LRCOL1: variants seen among roughly 807,000 people sequenced by gnomAD.
The protein encoded by LRCOL1 is leucine-rich colipase-like protein 1.
In LRCOL1, 21 loss-of-function variants were observed where a neutral mutation model predicts 21.6. The ratio of observed to expected loss-of-function variants is 0.97; its 90% CI spans 0.69 to 1.40. LRCOL1 has a LOEUF of 1.40. LRCOL1 is among the 40% of genes most tolerant of loss of function. The pLI is 0.00. For missense variants in LRCOL1, 198 were observed against 202.3 expected, an observed-to-expected ratio of 0.98 and a Z score of 0.13; for synonymous variants, 98 against 90.1, an observed-to-expected ratio of 1.09 and a Z score of -0.49.
intron 5 of LRCOL1, 128 bp from the exon 6 acceptor site, chr12:132,603,532 A>C: frequency 6.6e-7 from 1 of 1,517,014 alleles, no homozygotes; most frequent in Non-Finnish European, 8.8e-7. Flanking sequence ...GACAGCACCC[A>C]GAGGCCGACG....
intron 5 of LRCOL1, chr12:132,604,003 T>C (rs1172407890): frequency 1.5e-6 from 2 of 1,351,630 alleles, no homozygotes; most frequent in African/African-American, 1.5e-5. Flanking sequence ...CTCCGCAGGC[T>C]CTGACGGTCT....
At chr12:132,609,803 CT>C (rs144092092) in intron 1 of LRCOL1, among the ~76,000 whole-genome samples, 2,380 of 152,298 alleles carry the variant, frequency 0.016, 71 homozygotes, top group African/African-American at 0.053. Flanking sequence ...GCTGTTGCCC[CT>C]GGGATGGAAG....
chr12:132,610,156 C>T (rs1461300665), intron 1 of LRCOL1, among the ~76,000 whole-genome samples, 167 bp downstream of exon 1: 4 of 152,138 alleles, frequency 2.6e-5, no homozygotes, highest in Non-Finnish European at 5.9e-5. Flanking sequence ...GCACCCCGGC[C>T]GAGGGCAGAG....
At chr12:132,603,491 C>T (rs891118144) in intron 5 of LRCOL1, 87 bp from the exon 6 acceptor site, 7 of 1,534,970 alleles carry the variant, frequency 4.6e-6, no homozygotes, top group Non-Finnish European at 6.1e-6. Flanking sequence ...GGGGCCACAG[C>T]ATCTCCCGGC....
Position 132,606,350 on chromosome 12 carries a change from C to G in LRCOL1, c.-13-86G>C, listed in dbSNP as rs1365416099. ...TGGTGCTGGCCTCCCCACTCCCTTC[C>G]CATCCCTTCCCGATCCTTTCTCTTG... On this transcript the variant is annotated intron_variant, in intron 1 of 5. Transcript: ENST00000376608. This position sits in a 1 kb window ranked among gnomAD's most constrained non-coding sequence, Gnocchi z 4.6. 8 of 1,076,366 alleles carry G rather than the reference C, an allele frequency of 7.4e-6. No homozygotes were observed. The Admixed American group carries it at 1.6e-4, about 21-fold the overall frequency. 66.7% of individuals were successfully genotyped at this position (1,076,366 alleles called of 1,614,324 possible). A position where few individuals can be genotyped will look rare whatever the true frequency, so the allele number is the denominator to read the frequency against.
rs112975396 is a variant in LRCOL1 at position 132,606,197 on chromosome 12, C to CCAG, written c.52_54dup (p.Leu18dup). 1,104 of 1,410,862 alleles carry CCAG rather than the reference C, an allele frequency of 7.8e-4. 2 individuals are homozygous for CCAG. The African/African-American group carries it at 0.011, about 14-fold the overall frequency. The allele number at this position is 1,410,862 out of a possible 1,614,324, so 87.4% of individuals were successfully genotyped here. Reference sequence around the variant, plus strand: ...TGTGGCCCATACCCTGCCATGGACCCCAGCAGCAGCAGCAGCAGCAGCAGT... The same window carrying CCAG: ...TGTGGCCCATACCCTGCCATGGACCCCAGCAGCAGCAGCAGCAGCAGCAGCAGT... On this transcript the variant is annotated inframe_insertion, in exon 2 of 6. Transcript: ENST00000376608. The surrounding 1 kb of genome is among the most constrained non-coding windows in gnomAD (Gnocchi z 4.6).
intron 5 of LRCOL1, 69 bp from the exon 6 acceptor site, chr12:132,603,473 G>T: frequency 6.5e-7 from 1 of 1,535,718 alleles, no homozygotes; most frequent in Admixed American, 2.0e-5. Context: ...GAAGGAGGAC[G>T]GGAACCCGGG....
At position 132,606,433 on chromosome 12, in the gene LRCOL1, C is replaced by T. The variant is rs2041311406; in HGVS notation, c.-13-169G>A. On this transcript the variant is annotated intron_variant, in intron 1 of 5. Coordinates refer to ENST00000376608, the MANE Select transcript of LRCOL1 (RefSeq NM_001195520.2). This position sits in a 1 kb window ranked among gnomAD's most constrained non-coding sequence, Gnocchi z 4.6. ...ATTTTCTAAAGCAGTTTTATGCTTA[C>T]AAAAAAAGTGCAGAAAATATAATTC... Among the ~76,000 whole-genome samples the T allele has an allele frequency of 6.6e-6, 1 of 152,086 alleles. No homozygotes were observed. The highest frequency in any genetic ancestry group is 1.5e-5 in the Non-Finnish European group (1 of 68,000).
intron 5 of LRCOL1, 77 bp downstream of exon 5, chr12:132,604,177 A>T: frequency 6.8e-7 from 1 of 1,472,088 alleles, no homozygotes; most frequent in Non-Finnish European, 9.0e-7. Flanking sequence ...GTCCCGGTCC[A>T]GTTGCTGTGT....
In LRCOL1 at chr12:132,604,756, T is replaced by C. The variant is rs534662523; in HGVS notation, c.181A>G (p.Thr61Ala). Reference protein sequence around the residue: ...CCTINSLAPHTLCTPKTIFLQ... With the variant: ...CCTINSLAPHALCTPKTIFLQ... Reference sequence around the variant, plus strand: ...AAGATGGTCTTAGGGGTGCAGAGCGTGTGTGGGGCCAGGCTGTTGATGGTA... The same window carrying C: ...AAGATGGTCTTAGGGGTGCAGAGCGCGTGTGGGGCCAGGCTGTTGATGGTA... Residue 61 changes from threonine (T) to alanine (A), a missense_variant, in exon 3 of 6, where the codon ACG becomes GCG. Physicochemically the swap from Thr to Ala is moderately conservative, Grantham distance 58. Transcript: ENST00000376608. 7.8e-6 allele frequency: 12 copies of C among 1,536,036 alleles called. No individual in the cohort carries two copies. The African/African-American group carries it at 1.4e-4, about 18-fold the overall frequency.
At chr12:132,603,507 C>T in intron 5 of LRCOL1, 103 bp from the exon 6 acceptor site, 2 of 1,534,028 alleles carry the variant, frequency 1.3e-6, no homozygotes, top group East Asian at 2.4e-5. Flanking sequence ...CCGGCACCAG[C>T]CTCGTGGGGG....
In LRCOL1 at chr12:132,606,687, C is replaced by T. The variant is rs1180430420; in HGVS notation, c.-13-423G>A. Among the ~76,000 whole-genome samples the T allele has an allele frequency of 6.6e-6, 1 of 152,042 alleles. No individual in the cohort carries two copies. The highest frequency in any genetic ancestry group is 2.4e-5 in the African/African-American group (1 of 41,422). ...CGATGCCCTAAACATCCCCGTGCCC[C>T]GTCTATTCGCTCCTCCCTCCCCAGC... On this transcript the variant is annotated intron_variant, in intron 1 of 5. Coordinates refer to ENST00000376608, the MANE Select transcript of LRCOL1 (RefSeq NM_001195520.2). This position sits in a 1 kb window ranked among gnomAD's most constrained non-coding sequence, Gnocchi z 4.6.
At position 132,603,172 on chromosome 12, in the gene LRCOL1, T is replaced by C. The variant is rs2041246306; in HGVS notation, c.*230A>G. 5.8e-6 allele frequency: 3 copies of C among 520,888 alleles called. No homozygotes were observed. The highest frequency in any genetic ancestry group is 3.6e-5 in the South Asian group (1 of 28,130). The allele number at this position is 520,888 out of a possible 1,614,324, so 32.3% of individuals were successfully genotyped here. A position where few individuals can be genotyped will look rare whatever the true frequency, so the allele number is the denominator to read the frequency against. On this transcript the variant is annotated 3_prime_UTR_variant, in exon 6 of 6. Transcript: ENST00000376608. ...CTGCTCAGTCGGCCAGGAGCCTTTA[T>C]TGATGTTTAACAATCAGGCTACACC... is the stretch of plus-strand genomic sequence containing the variant.
Position 132,606,232 on chromosome 12 carries a change from G to T in LRCOL1, c.20C>A (p.Thr7Lys). The T allele has an allele frequency of 6.5e-7, 1 of 1,536,180 alleles. No individual in the cohort carries two copies. Among genetic ancestry groups the T allele is most frequent in the Non-Finnish European group, 8.7e-7 (1 of 1,146,816 alleles). The change falls in exon 2 of 6, where the codon ACG (threonine) becomes AAG (lysine). Residue 7 changes from threonine (T) to lysine (K), a missense_variant. Transcript: ENST00000376608. This position sits in a 1 kb window ranked among gnomAD's most constrained non-coding sequence, Gnocchi z 4.6. Reference sequence around the variant, plus strand: ...CAGCAGCAGCAGCAGTAGCAGCAGCGTCCACCCCGGGCCGGCCATCGGGTG... The same window carrying T: ...CAGCAGCAGCAGCAGTAGCAGCAGCTTCCACCCCGGGCCGGCCATCGGGTG... MAGPGW[T>K]LLLLLLLLLL...
At chr12:132,605,967 G>A (rs1436068042) in intron 2 of LRCOL1, 180 bp downstream of exon 2, 1 of 619,508 alleles carries the variant, frequency 1.6e-6, no homozygotes, top group East Asian at 2.8e-5. Context: ...GTGGCCAGGA[G>A]AGCGAGTGCA....
intron 1 of LRCOL1, among the ~76,000 whole-genome samples, chr12:132,607,939 CTCTT>C (rs1360416009): frequency 6.6e-6 from 1 of 151,418 alleles, no homozygotes; most frequent in Non-Finnish European, 1.5e-5. Flanking sequence ...GTCTCTCCCT[CTCTT>C]TCTCTGCCTC....
intron 2 of LRCOL1, chr12:132,605,287 G>C (rs2041291791): frequency 4.5e-6 from 1 of 223,648 alleles, no homozygotes; most frequent in Non-Finnish European, 7.5e-6. Flanking sequence ...CTGTGTGCGC[G>C]ACCTCTGGTC....
At chr12:132,605,455 G>A (rs35803185) in intron 2 of LRCOL1, among the ~76,000 whole-genome samples, 4,863 of 152,322 alleles carry the variant, frequency 0.032, 120 homozygotes, top group Middle Eastern at 0.061. Flanking sequence ...CTGGCCAGGC[G>A]CAGTGGCTCA....
Position 132,606,293 on chromosome 12 carries a change from G to A in LRCOL1, c.-13-29C>T. 1 of 1,528,686 alleles carries A rather than the reference G, an allele frequency of 6.5e-7. No individual in the cohort carries two copies. The highest frequency in any genetic ancestry group is 8.8e-7 in the Non-Finnish European group (1 of 1,140,962). 94.7% of individuals were successfully genotyped at this position (1,528,686 alleles called of 1,614,324 possible). A position where few individuals can be genotyped will look rare whatever the true frequency, so the allele number is the denominator to read the frequency against. Reference sequence around the variant, plus strand: ...CAGAGACCCAGGATTGTGTGGGAGTGTGTCCACGCCAGCCTTGTCCTGCCT... The same window carrying A: ...CAGAGACCCAGGATTGTGTGGGAGTATGTCCACGCCAGCCTTGTCCTGCCT... On this transcript the variant is annotated intron_variant, in intron 1 of 5. Coordinates refer to ENST00000376608, the MANE Select transcript of LRCOL1 (RefSeq NM_001195520.2). The surrounding 1 kb of genome is among the most constrained non-coding windows in gnomAD (Gnocchi z 4.6).
Sources: allele counts gnomAD v4.1 joint callset (sites outside exome capture counted in the v4.1 genomes callset), GRCh38; gene constraint gnomAD v4.1.1; non-coding constraint Gnocchi (gnomAD v3.1); transcripts MANE v1.5; gene names NCBI Gene and HGNC (gene_info 2026-07-23, HGNC 2026-07-21).